WFS1: variants seen among roughly 807,000 people sequenced by gnomAD.
WFS1 encodes the protein wolframin ER transmembrane glycoprotein.
A neutral mutation model predicts 68.5 loss-of-function variants in WFS1; 90 were observed. That is an observed-to-expected ratio of 1.31 (90% confidence interval 1.11 to 1.56). The LOEUF is 1.56. Ranked by LOEUF, WFS1 falls within the 40% of genes most tolerant of loss-of-function variation. The pLI is 0.00. For missense variants in WFS1, 1,767 were observed against 1,232.6 expected (o/e 1.43, Z -6.49); for synonymous variants, 860 against 540.7 (o/e 1.59, Z -8.19).
At position 6,277,573 on chromosome 4, in the gene WFS1, A is replaced by G. The variant is rs202063937; in HGVS notation, c.118A>G (p.Arg40Gly). The stretch of plus-strand genomic sequence containing the variant: ...CTCGTTGGAGCAGGAGAGGAGCGAA[A>G]GGCCCCGAGCACCCGGACCCCAGGC... ...TASLEQERSE[R>G]PRAPGPQAGP... Residue 40 changes from arginine to glycine, a missense_variant, in exon 2 of 8, where the codon AGG becomes GGG. Transcript: ENST00000226760. 4 of 1,586,408 alleles carry G rather than the reference A, an allele frequency of 2.5e-6. No homozygotes were observed. Among genetic ancestry groups the G allele is most frequent in the Non-Finnish European group, 3.4e-6 (4 of 1,166,858 alleles).
intron 7 of WFS1, among the ~76,000 whole-genome samples, chr4:6,298,523 A>C (rs1284399196): frequency 6.7e-6 from 1 of 149,878 alleles, no homozygotes; most frequent in Non-Finnish European, 1.5e-5. Flanking sequence ...GACTGTCACA[A>C]ATATACATGA....
At chr4:6,282,040 C>T (rs1180422812) in intron 2 of WFS1, among the ~76,000 whole-genome samples, 1 of 152,198 alleles carries the variant, frequency 6.6e-6, no homozygotes, top group Non-Finnish European at 1.5e-5. Flanking sequence ...TTGCCTGGCC[C>T]AGGGCAGGCC....
intron 1 of WFS1, among the ~76,000 whole-genome samples, chr4:6,273,664 G>A (rs1729901348): frequency 1.3e-5 from 2 of 152,254 alleles, no homozygotes; most frequent in African/African-American, 4.8e-5. Context: ...GGCTCACAGT[G>A]GCTGTAACAT....
At chr4:6,286,800 T>C (rs978987276) in intron 2 of WFS1, among the ~76,000 whole-genome samples, 1 of 152,204 alleles carries the variant, frequency 6.6e-6, no homozygotes, top group Non-Finnish European at 1.5e-5. Flanking sequence ...GACTTGGCTC[T>C]GTGCTCGCCT....
chr4:6,301,371 G>A lies in WFS1; in HGVS notation c.1576G>A (p.Gly526Ser). ...FRMAQLRNFK[G>S]TYCYLVPYLV... ...CATGGCACAGCTGAGGAATTTCAAG[G>A]GCACCTACTGCTACCTTGTGCCCTA... Residue 526 changes from glycine to serine, a missense_variant, in exon 8 of 8, where the codon GGC becomes AGC. Transcript: ENST00000226760. 6.2e-7 allele frequency: 1 copy of A among 1,612,450 alleles called. No individual in the cohort carries two copies.
intron 6 of WFS1, chr4:6,294,754 C>T (rs1429154178): frequency 6.7e-6 from 3 of 448,720 alleles, no homozygotes; most frequent in East Asian, 4.5e-5. Flanking sequence ...TGAGTGGCCC[C>T]AGGCATAAGG....
chr4:6,298,573 C>A (rs1730713866), intron 7 of WFS1, among the ~76,000 whole-genome samples: 1 of 151,998 alleles, frequency 6.6e-6, no homozygotes, highest in Non-Finnish European at 1.5e-5. Context: ...CGTGCATGCA[C>A]ACACTCCTAA....
intron 4 of WFS1, among the ~76,000 whole-genome samples, chr4:6,290,515 G>A (rs1481428891): frequency 6.6e-6 from 1 of 152,244 alleles, no homozygotes. Context: ...ACCTTCTGAT[G>A]TGCAGTTGTG....
At chr4:6,273,125 G>GCC (rs530624919) in intron 1 of WFS1, among the ~76,000 whole-genome samples, 1 of 152,130 alleles carries the variant, frequency 6.6e-6, no homozygotes, top group African/African-American at 2.4e-5. Context: ...AGATGGGGTT[G>GCC]CCCCCCCAGA....
intron 1 of WFS1, among the ~76,000 whole-genome samples, chr4:6,271,568 A>G (rs981505936): frequency 3.3e-5 from 5 of 151,956 alleles, no homozygotes; most frequent in Non-Finnish European, 7.4e-5. Context: ...CTCCCCTCCC[A>G]CTTCCCTACT....
intron 7 of WFS1, among the ~76,000 whole-genome samples, chr4:6,298,500 CAG>C (rs769039516): frequency 1.4e-4 from 21 of 149,978 alleles, no homozygotes; most frequent in African/African-American, 3.1e-4. Flanking sequence ...TGTTATAAAA[CAG>C]AGATTAAGTG....
At chr4:6,291,398 C>G (rs777221776) in intron 5 of WFS1, 31 bp downstream of exon 5, 1 of 1,608,108 alleles carries the variant, frequency 6.2e-7, no homozygotes, top group South Asian at 1.1e-5. Context: ...CACCAGCCTT[C>G]CCTGGGCGCC....
rs746433560 is a variant in WFS1, at chr4:6,300,974, C to G, written c.1179C>G (p.Ala393=). ...AGCCCAACCTGGATGTGGAGCAGGC[C>G]GAGGTCAACTTCGGCTGGAACCACC... The part of the protein sequence containing the change: ...RFEPNLDVEQ[A]EVNFGWNHLE... The change falls in exon 8 of 8, where the codon GCC becomes GCG. Residue 393 remains alanine (A), a synonymous_variant. Transcript: ENST00000226760. 6.2e-7 allele frequency: 1 copy of G among 1,613,962 alleles called. No individual in the cohort carries two copies. Among genetic ancestry groups the G allele is most frequent in the East Asian group, 2.2e-5 (1 of 44,862 alleles).
intron 5 of WFS1, 125 bp from the exon 6 acceptor site, chr4:6,291,792 C>T: frequency 3.8e-6 from 4 of 1,039,616 alleles, no homozygotes; most frequent in South Asian, 1.4e-5. Context: ...GCCCTATGAT[C>T]CCCAGAACGT....
intron 6 of WFS1, chr4:6,294,747 G>A (rs1730576545): frequency 1.6e-5 from 7 of 436,320 alleles, no homozygotes; most frequent in South Asian, 1.2e-4. Context: ...GTGTGGGTGA[G>A]TGGCCCCAGG....
At chr4:6,285,926 A>G (rs191648782) in intron 2 of WFS1, among the ~76,000 whole-genome samples, 1 of 152,376 alleles carries the variant, frequency 6.6e-6, no homozygotes, top group Non-Finnish European at 1.5e-5. Context: ...TTAGGAAGTA[A>G]AATGCAGCAC....
intron 2 of WFS1, among the ~76,000 whole-genome samples, chr4:6,278,703 T>C (rs1730067523): frequency 6.6e-6 from 1 of 152,218 alleles, no homozygotes; most frequent in African/African-American, 2.4e-5. Context: ...GAGGCTCCCA[T>C]GTACCACTTA....
Position 6,287,067 on chromosome 4 carries a change from G to A in WFS1, c.233-26G>A. ...GTGACAAAGTCTGGCTTTGTGACAT[G>A]TGTGTTTGTTTCTTCTGTGTTAAAG... On this transcript the variant is annotated intron_variant, in intron 2 of 7. Transcript: ENST00000226760. The surrounding 1 kb of genome is among the most constrained non-coding windows in gnomAD (Gnocchi z 6.4). The A allele has an allele frequency of 5.2e-6, 8 of 1,548,930 alleles. No homozygotes were observed. Among genetic ancestry groups the A allele is most frequent in the Non-Finnish European group, 5.2e-6 (6 of 1,143,612 alleles).
Position 6,301,293 on chromosome 4 carries a change from A to C in WFS1, c.1498A>C (p.Asn500His). 6.2e-7 allele frequency: 1 copy of C among 1,611,546 alleles called. No individual in the cohort carries two copies. Among genetic ancestry groups the C allele is most frequent in the Non-Finnish European group, 8.5e-7 (1 of 1,179,996 alleles). Residue 500 changes from asparagine to histidine, a missense_variant, in exon 8 of 8, where the codon AAC (asparagine) becomes CAC (histidine). Coordinates refer to ENST00000226760, the MANE Select transcript of WFS1 (RefSeq NM_006005.3). ...GCCTGTCGGCCACCTGGTCGTCCTC[A>C]ACGTCAGCGTCCCGTGCCTGCTCTA... ...TVPVGHLVVL[N>H]VSVPCLLYVY... is the part of the protein sequence containing the mutation.
Sources: allele counts gnomAD v4.1 joint callset (sites outside exome capture counted in the v4.1 genomes callset), GRCh38; gene constraint gnomAD v4.1.1; non-coding constraint Gnocchi (gnomAD v3.1); transcripts MANE v1.5; gene names NCBI Gene and HGNC (gene_info 2026-07-23, HGNC 2026-07-21).